Variants in RPS6KC1 observed in about 807,000 individuals in gnomAD.
The protein encoded by RPS6KC1 is ribosomal protein S6 kinase C1.
A neutral mutation model predicts 103.8 loss-of-function variants in RPS6KC1; 54 were observed. The ratio of observed to expected loss-of-function variants is 0.52; its 90% CI spans 0.42 to 0.65. The LOEUF is 0.65. Ranked by LOEUF, RPS6KC1 falls within the 30% of genes least tolerant of loss-of-function variation. RPS6KC1 has a pLI of 0.00. For synonymous variants in RPS6KC1, 439 were observed against 438.7 expected, an observed-to-expected ratio of 1.00 and a Z score of -0.01; for missense variants, 1,151 against 1,253.8, an observed-to-expected ratio of 0.92 and a Z score of 1.24.
At chr1:213,319,558 C>T in the RPS6KC1 span, among the ~76,000 whole-genome samples, 3 of 152,126 alleles carry the variant, frequency 2.0e-5, no homozygotes, top group South Asian at 4.1e-4. Flanking sequence ...CTGCACAATG[C>T]GTGAAAGCAA....
At chr1:213,318,369 G>T in the RPS6KC1 span, among the ~76,000 whole-genome samples, 5 of 152,256 alleles carry the variant, frequency 3.3e-5, no homozygotes, top group African/African-American at 1.2e-4. Flanking sequence ...TGTCTTGCAG[G>T]ATTCCTGGCC....
intron 1 of RPS6KC1, among the ~76,000 whole-genome samples, chr1:213,052,651 C>A (rs772800097): frequency 6.6e-6 from 1 of 152,140 alleles, no homozygotes; most frequent in Non-Finnish European, 1.5e-5. Flanking sequence ...AGCGATTCTC[C>A]TACCTCAGCC....
At chr1:213,247,721 A>G (rs565784265) in intron 12 of RPS6KC1, among the ~76,000 whole-genome samples, 2 of 152,318 alleles carry the variant, frequency 1.3e-5, no homozygotes, top group Admixed American at 6.5e-5. Flanking sequence ...TTTGTTGGAT[A>G]TAAGTAAAAT....
At chr1:213,825,924 A>T in the RPS6KC1 span, among the ~76,000 whole-genome samples, 1 of 152,218 alleles carries the variant, frequency 6.6e-6, no homozygotes, top group African/African-American at 2.4e-5. Flanking sequence ...AAAGCCCATG[A>T]ACTGAAAACA....
the RPS6KC1 span, among the ~76,000 whole-genome samples, chr1:213,805,009 A>C: frequency 7.0e-4 from 106 of 152,392 alleles, 2 homozygotes; most frequent in East Asian, 0.019. Context: ...TTGTGTTTAC[A>C]TCATACTGTA....
chr1:213,579,789 A>G, the RPS6KC1 span, among the ~76,000 whole-genome samples: 1 of 152,016 alleles, frequency 6.6e-6, no homozygotes, highest in Non-Finnish European at 1.5e-5. Context: ...TAGAACTACA[A>G]AGCCTGGATG....
At chr1:213,318,672 A>G in the RPS6KC1 span, among the ~76,000 whole-genome samples, 1 of 152,206 alleles carries the variant, frequency 6.6e-6, no homozygotes, top group Non-Finnish European at 1.5e-5. Context: ...CATGTCTTAC[A>G]TGGATGGCAG....
the RPS6KC1 span, among the ~76,000 whole-genome samples, chr1:213,400,018 C>G: frequency 1.3e-5 from 2 of 152,012 alleles, no homozygotes; most frequent in African/African-American, 2.4e-5. Flanking sequence ...GGCTGGGCGC[C>G]GAATCACTTG....
chr1:213,556,247 A>G, the RPS6KC1 span, among the ~76,000 whole-genome samples: 2 of 152,164 alleles, frequency 1.3e-5, no homozygotes, highest in South Asian at 4.1e-4. Flanking sequence ...AGGAATTGGA[A>G]GGGGAGGCAG....
At chr1:213,490,026 G>A in the RPS6KC1 span, among the ~76,000 whole-genome samples, 1 of 152,134 alleles carries the variant, frequency 6.6e-6, no homozygotes, top group African/African-American at 2.4e-5. Context: ...GAAGGATGGA[G>A]GGAAATCAGA....
At chr1:213,217,723 C>A (rs527836818) in intron 8 of RPS6KC1, among the ~76,000 whole-genome samples, 1 of 152,254 alleles carries the variant, frequency 6.6e-6, no homozygotes, top group African/African-American at 2.4e-5. Flanking sequence ...TCAACATATG[C>A]AAATCAATAA....
At chr1:213,795,735 A>T in the RPS6KC1 span, among the ~76,000 whole-genome samples, 1 of 152,024 alleles carries the variant, frequency 6.6e-6, no homozygotes, top group African/African-American at 2.4e-5. Flanking sequence ...TCCACCATGA[A>T]AATTCCTTTT....
intron 1 of RPS6KC1, among the ~76,000 whole-genome samples, chr1:213,066,331 A>G (rs983182993): frequency 2.0e-5 from 3 of 152,222 alleles, no homozygotes; most frequent in African/African-American, 4.8e-5. Flanking sequence ...TTTAAGACAC[A>G]GTTTTCACTA....
chr1:213,735,017 G>A, the RPS6KC1 span, among the ~76,000 whole-genome samples: 3 of 152,144 alleles, frequency 2.0e-5, no homozygotes, highest in Non-Finnish European at 4.4e-5. Context: ...TCCACCTCCT[G>A]GGTTCACGCC....
the RPS6KC1 span, among the ~76,000 whole-genome samples, chr1:213,297,446 C>A: frequency 6.6e-6 from 1 of 152,178 alleles, no homozygotes; most frequent in Non-Finnish European, 1.5e-5. Context: ...GGTCCAGGTA[C>A]CTCTGCTTAC....
chr1:213,551,173 G>A, the RPS6KC1 span, among the ~76,000 whole-genome samples: 1 of 152,170 alleles, frequency 6.6e-6, no homozygotes, highest in African/African-American at 2.4e-5. Flanking sequence ...CATCCAGACT[G>A]CTTTGACTTT....
chr1:213,846,524 C>A, the RPS6KC1 span, among the ~76,000 whole-genome samples: 3 of 152,114 alleles, frequency 2.0e-5, no homozygotes, highest in Non-Finnish European at 2.9e-5. Context: ...AATTAGCTTG[C>A]TAATTACTCT....
the RPS6KC1 span, among the ~76,000 whole-genome samples, chr1:213,349,120 A>T: frequency 6.6e-6 from 1 of 152,238 alleles, no homozygotes; most frequent in Non-Finnish European, 1.5e-5. Context: ...AGGAAAAAAG[A>T]AGTATCTGCT....
At chr1:213,500,348 A>G in the RPS6KC1 span, among the ~76,000 whole-genome samples, 32,602 of 152,134 alleles carry the variant, frequency 0.21, 4,377 homozygotes, top group Middle Eastern at 0.33. Flanking sequence ...CAATAGCACT[A>G]ACGGCGCGGC....
Sources: gnomAD v4.1 joint callset for allele counts (sites outside exome capture counted in the v4.1 genomes callset) on GRCh38, gnomAD v4.1.1 for gene constraint, MANE v1.5 for transcripts, NCBI Gene and HGNC (gene_info 2026-07-23, HGNC 2026-07-21) for gene names.